Variants in MIS18A observed in about 807,000 individuals in gnomAD.
MIS18A encodes the protein protein Mis18-alpha.
A neutral mutation model predicts 25.0 loss-of-function variants in MIS18A; 14 were observed. The ratio of observed to expected loss-of-function variants is 0.56; its 90% CI spans 0.37 to 0.88. MIS18A has a LOEUF of 0.88. Ranked by LOEUF, MIS18A falls within the 40% of genes least tolerant of loss-of-function variation. MIS18A has a pLI of 0.00. For missense variants in MIS18A, 292 were observed against 290.8 expected (o/e 1.00, Z -0.03); for synonymous variants, 134 against 118.6 (o/e 1.13, Z -0.84).
In MIS18A at chr21:32,278,983, C is replaced by T. The variant is rs1243050168; in HGVS notation, c.32G>A (p.Arg11Lys). 27 of 1,609,750 alleles carry T rather than the reference C, an allele frequency of 1.7e-5. No homozygotes were observed. Among genetic ancestry groups the T allele is most frequent in the Non-Finnish European group, 2.1e-5 (25 of 1,179,310 alleles). Reference sequence around the variant, plus strand: ...GCACTCACAGCCGCCAGCGCATCCTCTGCTACACCTCAGTGACCGAACGCC... The same window carrying T: ...GCACTCACAGCCGCCAGCGCATCCTTTGCTACACCTCAGTGACCGAACGCC... MAGVRSLRCS[R>K]GCAGGCECGD... is the part of the protein sequence containing the mutation. The change falls in exon 1 of 5, where the codon AGA (arginine) becomes AAA (lysine). Residue 11 changes from arginine to lysine, a missense_variant. Coordinates refer to ENST00000290130, the MANE Select transcript of MIS18A (RefSeq NM_018944.3).
At chr21:32,178,372 A>G in the MIS18A span, among the ~76,000 whole-genome samples, 11 of 152,154 alleles carry the variant, frequency 7.2e-5, no homozygotes, top group East Asian at 1.9e-4. Flanking sequence ...TTGTTTTCTT[A>G]GGTTTATTCA....
At chr21:32,165,082 C>T in the MIS18A span, among the ~76,000 whole-genome samples, 1 of 152,084 alleles carries the variant, frequency 6.6e-6, no homozygotes, top group Non-Finnish European at 1.5e-5. Flanking sequence ...GCCTGTAATC[C>T]CAGCACTTTG....
the MIS18A span, among the ~76,000 whole-genome samples, chr21:32,218,065 C>T: frequency 1.4e-4 from 21 of 151,496 alleles, no homozygotes; most frequent in African/African-American, 4.4e-4. Context: ...TGGTGTTGGG[C>T]GCCTGTAGTC....
At chr21:32,210,051 A>C in the MIS18A span, among the ~76,000 whole-genome samples, 1 of 152,206 alleles carries the variant, frequency 6.6e-6, no homozygotes, top group Non-Finnish European at 1.5e-5. Flanking sequence ...TGGACTCTGA[A>C]TCAAGTGCTC....
At chr21:32,196,457 G>A in the MIS18A span, among the ~76,000 whole-genome samples, 1 of 137,700 alleles carries the variant, frequency 7.3e-6, no homozygotes, top group Non-Finnish European at 1.5e-5. Context: ...GTGAGCTAAT[G>A]TCTTTTTTTT....
At chr21:32,173,020 A>G in the MIS18A span, among the ~76,000 whole-genome samples, 1 of 152,112 alleles carries the variant, frequency 6.6e-6, no homozygotes. Context: ...TTAGGAGAAA[A>G]CTGTTGGGGT....
the MIS18A span, among the ~76,000 whole-genome samples, chr21:32,180,070 C>T: frequency 6.6e-6 from 1 of 152,176 alleles, no homozygotes; most frequent in African/African-American, 2.4e-5. Flanking sequence ...CCAGAACTGG[C>T]TTATCAAGGT....
intron 1 of MIS18A, 126 bp downstream of exon 1, chr21:32,278,555 G>A: frequency 9.7e-7 from 1 of 1,034,500 alleles, no homozygotes; most frequent in Non-Finnish European, 1.4e-6. Context: ...CACACTCTCA[G>A]ACTTTTTGCT....
the MIS18A span, among the ~76,000 whole-genome samples, chr21:32,216,830 T>C: frequency 2.0e-5 from 3 of 152,218 alleles, no homozygotes; most frequent in African/African-American, 7.2e-5. Flanking sequence ...GGGAGACTTA[T>C]TGGTTCCACG....
the MIS18A span, among the ~76,000 whole-genome samples, chr21:32,197,394 T>C: frequency 2.0e-5 from 3 of 152,226 alleles, no homozygotes. Flanking sequence ...TCTATAGTTC[T>C]TGCATGATAC....
At chr21:32,217,422 G>C in the MIS18A span, among the ~76,000 whole-genome samples, 2 of 152,126 alleles carry the variant, frequency 1.3e-5, no homozygotes, top group African/African-American at 4.8e-5. Flanking sequence ...TAAGTTGATT[G>C]AGATTATTCA....
the MIS18A span, among the ~76,000 whole-genome samples, chr21:32,237,145 G>T: frequency 6.7e-6 from 1 of 148,804 alleles, no homozygotes; most frequent in African/African-American, 2.5e-5. Flanking sequence ...AGCTATAAAG[G>T]CCAGGCCATG....
At chr21:32,177,224 A>G in the MIS18A span, among the ~76,000 whole-genome samples, 1 of 152,246 alleles carries the variant, frequency 6.6e-6, no homozygotes, top group African/African-American at 2.4e-5. Context: ...ATCTTAATAA[A>G]TGCAGAAAAG....
chr21:32,203,054 ACTG>A, the MIS18A span, among the ~76,000 whole-genome samples: 1 of 152,188 alleles, frequency 6.6e-6, no homozygotes, highest in Admixed American at 6.5e-5. Context: ...AAATCACCAT[ACTG>A]TTTTCTTAAA....
At chr21:32,189,523 C>T in the MIS18A span, among the ~76,000 whole-genome samples, 1 of 152,240 alleles carries the variant, frequency 6.6e-6, no homozygotes, top group Non-Finnish European at 1.5e-5. Flanking sequence ...AAGCAATCCA[C>T]CTGCCTTGGT....
the MIS18A span, among the ~76,000 whole-genome samples, chr21:32,171,944 T>G: frequency 6.6e-6 from 1 of 151,970 alleles, no homozygotes; most frequent in African/African-American, 2.4e-5. Flanking sequence ...TGGAACTTAG[T>G]AGCAAGAAAA....
the MIS18A span, among the ~76,000 whole-genome samples, chr21:32,195,004 A>G: frequency 6.6e-6 from 1 of 152,206 alleles, no homozygotes. Context: ...TAACATATTC[A>G]CATAACACAA....
the MIS18A span, among the ~76,000 whole-genome samples, chr21:32,194,924 C>T: frequency 2.0e-5 from 3 of 152,086 alleles, no homozygotes; most frequent in Admixed American, 6.5e-5. Context: ...AGGGATGAAA[C>T]ACCATCTGTT....
chr21:32,191,944 G>GAAAGGAAGAAAGAAAAA, the MIS18A span, among the ~76,000 whole-genome samples: 5 of 152,002 alleles, frequency 3.3e-5, no homozygotes, highest in African/African-American at 1.2e-4. Flanking sequence ...GAAAGAAAAA[G>GAAAGGAAGAAAGAAAAA]AAAGAAAGAA....
Sources: gnomAD v4.1 joint callset for allele counts (sites outside exome capture counted in the v4.1 genomes callset) on GRCh38, gnomAD v4.1.1 for gene constraint, MANE v1.5 for transcripts, NCBI Gene and HGNC (gene_info 2026-07-23, HGNC 2026-07-21) for gene names.